Variants in ATP2B2 observed in about 807,000 individuals in gnomAD.
The protein encoded by ATP2B2 is ATPase plasma membrane Ca2+ transporting 2.
Under a neutral mutation model 120.0 loss-of-function variants are expected in ATP2B2, and 15 were observed. The observed-to-expected ratio is 0.12, with a 90% CI of 0.08 to 0.19. The LOEUF (loss-of-function observed/expected upper bound fraction) is 0.19, where lower values mean the gene tolerates loss of function less well. Ranked by LOEUF, ATP2B2 falls within the 10% of genes least tolerant of loss-of-function variation. The pLI is 1.00. For missense variants in ATP2B2, 1,045 were observed against 1,719.8 expected, an observed-to-expected ratio of 0.61 and a Z score of 6.94; for synonymous variants, 694 against 700.3, an observed-to-expected ratio of 0.99 and a Z score of 0.14.
upstream of ATP2B2, among the ~76,000 whole-genome samples, chr3:10,507,830 C>T (rs930881788): frequency 4.6e-5 from 7 of 152,172 alleles, no homozygotes; most frequent in Non-Finnish European, 1.0e-4. Flanking sequence ...CTGTGTAGTT[C>T]AGGGGGATGT....
At chr3:10,485,019 C>G (rs1242149266) in intron 1 of ATP2B2, among the ~76,000 whole-genome samples, 1 of 152,140 alleles carries the variant, frequency 6.6e-6, no homozygotes, top group Non-Finnish European at 1.5e-5. Context: ...TGACGCAGAC[C>G]CCCTCTGTGA....
chr3:10,386,383 C>T, intron 7 of ATP2B2, 97 bp downstream of exon 7: 1 of 1,411,040 alleles, frequency 7.1e-7, no homozygotes, highest in Non-Finnish European at 1.0e-6. Flanking sequence ...ATGTGGCCTC[C>T]TCCAGCTGTG....
At chr3:10,376,190 G>A (rs2061375622) in intron 10 of ATP2B2, among the ~76,000 whole-genome samples, 1 of 152,166 alleles carries the variant, frequency 6.6e-6, no homozygotes, top group Non-Finnish European at 1.5e-5. Context: ...TCTAGAGGAG[G>A]AGGAAGACAA....
At chr3:10,628,630 C>T (rs2069775499) in intron 1 of ATP2B2, among the ~76,000 whole-genome samples, 1 of 152,230 alleles carries the variant, frequency 6.6e-6, no homozygotes, top group Admixed American at 6.5e-5. Flanking sequence ...TTTACAATCT[C>T]CTTTCACAGC....
intron 10 of ATP2B2, among the ~76,000 whole-genome samples, chr3:10,377,737 C>T (rs954047260): frequency 6.6e-6 from 1 of 152,220 alleles, no homozygotes; most frequent in Admixed American, 6.5e-5. Flanking sequence ...AAAGCCCAAA[C>T]CCATTCTTGT....
intron 12 of ATP2B2, among the ~76,000 whole-genome samples, chr3:10,368,483 A>G (rs1361412490): frequency 6.6e-6 from 1 of 151,842 alleles, no homozygotes. Context: ...CCATCCATCT[A>G]TTCATCCACC....
At chr3:10,431,746 C>CT (rs1252866646) in intron 2 of ATP2B2, among the ~76,000 whole-genome samples, 1 of 147,244 alleles carries the variant, frequency 6.8e-6, no homozygotes, top group African/African-American at 2.6e-5. Context: ...GAATGAATAA[C>CT]TTAAAAAAAA....
chr3:10,426,532 C>T (rs2063149971), intron 2 of ATP2B2, among the ~76,000 whole-genome samples: 1 of 152,172 alleles, frequency 6.6e-6, no homozygotes, highest in Non-Finnish European at 1.5e-5. Context: ...ACTCCCGTGT[C>T]CTTGCTGTCG....
chr3:10,379,220 G>A lies in ATP2B2; in HGVS notation c.1042+23C>T, dbSNP rs965248859. On this transcript the variant is annotated intron_variant, in intron 9 of 22. Transcript: ENST00000360273. ...GGGAGGGGCCTCAGGGACGACAAAC[G>A]CCGGTTAAAACAAAAGGGTTACCTT... 12 of 1,612,720 alleles carry A rather than the reference G, an allele frequency of 7.4e-6. No individual in the cohort carries two copies. In the African/African-American group the frequency reaches 9.3e-5, roughly 13 times the overall value.
In ATP2B2 at chr3:10,388,323, G is replaced by A. The variant is rs780890460; in HGVS notation, c.861C>T (p.Thr287=). 6.2e-7 allele frequency: 1 copy of A among 1,614,184 alleles called. No individual in the cohort carries two copies. Among genetic ancestry groups the A allele is most frequent in the African/African-American group, 1.3e-5 (1 of 75,028 alleles). The change falls in exon 6 of 23, where the codon ACC becomes ACT. Residue 287 remains threonine, a synonymous_variant. Coordinates refer to ENST00000360273, the MANE Select transcript of ATP2B2 (RefSeq NM_001001331.4). ...CCTCTTCACCACCAGCCCCCAGGAG[G>A]GTAAAGATGATGCCAGTCTGAGAGT... ...GVNSQTGIIF[T]LLGAGGEEEE...
chr3:10,566,206 A>G (rs1319146754), intron 2 of ATP2B2: 1 of 152,100 alleles, frequency 6.6e-6, no homozygotes, highest in Non-Finnish European at 1.5e-5. Flanking sequence ...CTGTTCACCC[A>G]CTAGTTAGTG....
intron 2 of ATP2B2, among the ~76,000 whole-genome samples, chr3:10,537,367 T>G (rs1194388340): frequency 1.3e-5 from 2 of 152,204 alleles, no homozygotes; most frequent in East Asian, 3.8e-4. Context: ...TTAAAACTTC[T>G]TTCATCTGTG....
intron 14 of ATP2B2, among the ~76,000 whole-genome samples, chr3:10,353,175 A>G (rs1461302925): frequency 6.6e-6 from 1 of 152,238 alleles, no homozygotes; most frequent in Non-Finnish European, 1.5e-5. Flanking sequence ...TCTTTGGCAC[A>G]GGTCTATACA....
chr3:10,707,959 C>CGCCGCTGCCGCT lies in ATP2B2; in HGVS notation c.-516_-505dup, dbSNP rs1338531860. ...GAGATGCTGCCGCCGCCGCTGCCGC[C>CGCCGCTGCCGCT]GCCGCTGCCGCTGGTGCGCGCCCGG... On this transcript the variant is annotated 5_prime_UTR_variant, in exon 1 of 22. Transcript: ENST00000646379. 4 of 149,998 alleles carry CGCCGCTGCCGCT rather than the reference C, an allele frequency of 2.7e-5. 1 individual carries two copies. The highest frequency in any genetic ancestry group is 4.4e-5 in the Non-Finnish European group (3 of 67,470). 9.3% of individuals were successfully genotyped at this position (149,998 alleles called of 1,614,324 possible).
intron 2 of ATP2B2, among the ~76,000 whole-genome samples, chr3:10,557,732 C>G (rs1028519412): frequency 1.3e-5 from 2 of 152,206 alleles, no homozygotes; most frequent in African/African-American, 4.8e-5. Flanking sequence ...CTGTTTTTAT[C>G]TTTCACCCAC....
Position 10,356,364 on chromosome 3 carries a change from C to T in ATP2B2, c.2136+2327G>A, listed in dbSNP as rs575457627. The stretch of plus-strand genomic sequence containing the variant: ...TCAGTCACTCAAACCTCAAGTCATG[C>T]CCTGTTAGTGACGTGAAATTTGTTT... On this transcript the variant is annotated intron_variant, in intron 14 of 22. Coordinates refer to ENST00000360273, the MANE Select transcript of ATP2B2 (RefSeq NM_001001331.4). Among the ~76,000 whole-genome samples, 3 of 152,214 alleles carry T rather than the reference C, an allele frequency of 2.0e-5. No individual in the cohort carries two copies. In the South Asian group the frequency reaches 6.2e-4, roughly 32 times the overall value.
chr3:10,517,003 A>G (rs572238467), intron 3 of ATP2B2, among the ~76,000 whole-genome samples: 1 of 152,264 alleles, frequency 6.6e-6, no homozygotes, highest in South Asian at 2.1e-4. Flanking sequence ...AAAAAGCCAC[A>G]GGCATGCTAT....
At chr3:10,641,820 G>T (rs1320529876) in intron 1 of ATP2B2, among the ~76,000 whole-genome samples, 1 of 152,062 alleles carries the variant, frequency 6.6e-6, no homozygotes, top group African/African-American at 2.4e-5. Flanking sequence ...ACTGTGTCTG[G>T]TTGACTCATC....
intron 1 of ATP2B2, among the ~76,000 whole-genome samples, chr3:10,622,953 A>G (rs1173047030): frequency 1.3e-5 from 2 of 152,118 alleles, no homozygotes; most frequent in Admixed American, 6.5e-5. Context: ...TTTATCTTCC[A>G]TAAAATGGGG....
Sources: allele counts gnomAD v4.1 joint callset (sites outside exome capture counted in the v4.1 genomes callset), GRCh38; gene constraint gnomAD v4.1.1; transcripts MANE v1.5; gene names NCBI Gene and HGNC (gene_info 2026-07-23, HGNC 2026-07-21).